Variants in MAGED1 observed in about 807,000 individuals in gnomAD.
MAGED1 encodes MAGE family member D1.
In MAGED1, 3 loss-of-function variants were observed where a neutral mutation model predicts 54.1. The observed-to-expected ratio is 0.06, with a 90% CI of 0.03 to 0.14. MAGED1 has a LOEUF of 0.14. Among genes scored for constraint, MAGED1 ranks in the 10% least tolerant of loss-of-function variants. MAGED1 has a pLI of 1.00. For missense variants in MAGED1, 485 were observed against 623.4 expected, an observed-to-expected ratio of 0.78 and a Z score of 2.36; for synonymous variants, 217 against 227.3, an observed-to-expected ratio of 0.95 and a Z score of 0.41.
rs1928774254 is a variant in MAGED1 at position 51,896,826 on chromosome X, G to A, written c.1171G>A (p.Gly391Ser). Residue 391 changes from glycine to serine, a missense_variant, in exon 4 of 13, where the codon GGC becomes AGC. By Grantham distance (56) the Gly-to-Ser change is moderately conservative. Transcript: ENST00000326587. Reference protein sequence around the residue: ...QTPPGWQTPPGWQGPPDWQGP... With the variant: ...QTPPGWQTPPSWQGPPDWQGP... ...TCCACCTGGATGGCAGACCCCACCGGGCTGGCAGGGTCCTCCAGACTGGCA... is the reference window on the plus strand; with the variant it reads ...TCCACCTGGATGGCAGACCCCACCGAGCTGGCAGGGTCCTCCAGACTGGCA... 2 of 1,203,186 alleles carry A rather than the reference G, an allele frequency of 1.7e-6. No homozygotes were observed. The highest frequency in any genetic ancestry group is 1.8e-5 in the African/African-American group (1 of 57,125).
chrX:51,843,721 G>T (rs1926588562), intron 1 of MAGED1, among the ~76,000 whole-genome samples: 1 of 111,486 alleles, frequency 9.0e-6, no homozygotes, highest in African/African-American at 3.3e-5. Flanking sequence ...ACAGATTTTG[G>T]TACCTGGAAG....
chrX:51,897,512 G>C (rs782061384), intron 5 of MAGED1, 35 bp from the exon 6 acceptor site: 53 of 1,098,955 alleles, frequency 4.8e-5, no homozygotes, highest in Non-Finnish European at 6.5e-5. Context: ...TGTGGCCCCC[G>C]CTCGGCTCAG....
intron 1 of MAGED1, among the ~76,000 whole-genome samples, chrX:51,826,124 G>T (rs1557356947): frequency 8.9e-6 from 1 of 112,539 alleles, no homozygotes; most frequent in East Asian, 2.8e-4. Flanking sequence ...GACTCTCCTT[G>T]TTCTTACTTA....
At chrX:51,897,945 T>C (rs1602274847) in intron 7 of MAGED1, 59 bp downstream of exon 7, 2 of 983,847 alleles carry the variant, frequency 2.0e-6, no homozygotes, top group Middle Eastern at 2.6e-4. Flanking sequence ...TTTCTAGGAG[T>C]TTCACGTAGA....
At chrX:51,805,568 G>A (rs1168113535) in intron 1 of MAGED1, among the ~76,000 whole-genome samples, 2 of 109,917 alleles carry the variant, frequency 1.8e-5, no homozygotes, top group African/African-American at 3.3e-5. Context: ...ATCATATCAG[G>A]TGCTTGAATT....
chrX:51,806,473 G>A (rs1439474801), intron 1 of MAGED1, among the ~76,000 whole-genome samples: 2 of 111,814 alleles, frequency 1.8e-5, no homozygotes, highest in African/African-American at 6.5e-5. Context: ...TTTGGCTTGA[G>A]GATTTGTTTT....
chrX:51,864,368 TTTTA>T (rs1416177508), intron 1 of MAGED1, among the ~76,000 whole-genome samples: 2 of 111,962 alleles, frequency 1.8e-5, no homozygotes, highest in Non-Finnish European at 3.8e-5. Flanking sequence ...TTCTGGGCTA[TTTTA>T]TTTATTTGTC....
intron 1 of MAGED1, among the ~76,000 whole-genome samples, chrX:51,821,592 G>A (rs1308055035): frequency 1.8e-5 from 2 of 111,070 alleles, no homozygotes; most frequent in Non-Finnish European, 3.8e-5. Context: ...GTTTCGCCAT[G>A]TTGCCCAGGC....
At chrX:51,842,808 C>T (rs1399586016) in intron 1 of MAGED1, among the ~76,000 whole-genome samples, 1 of 110,304 alleles carries the variant, frequency 9.1e-6, no homozygotes, top group Non-Finnish European at 1.9e-5. Flanking sequence ...ACCTCAACTC[C>T]CTGAGTAGCT....
chrX:51,831,461 G>T (rs1557357459), intron 1 of MAGED1, among the ~76,000 whole-genome samples: 1 of 110,283 alleles, frequency 9.1e-6, no homozygotes, highest in East Asian at 2.9e-4. Flanking sequence ...AAAAATAAAA[G>T]AATTAGTCAG....
chrX:51,895,706 C>T lies in MAGED1; in HGVS notation c.699C>T (p.Ser233=). ...GATAQTSADG[S]QAQNLESRTI... ...CTGCACAGACATCAGCAGATGGTTC[C>T]CAGGCTCAGAATCTGGAGTCCCGGA... The change falls in exon 3 of 13, where the codon TCC becomes TCT. Residue 233 remains serine, a synonymous_variant. Coordinates refer to ENST00000326587, the MANE Select transcript of MAGED1 (RefSeq NM_006986.4). 1 of 1,197,649 alleles carries T rather than the reference C, an allele frequency of 8.3e-7. No homozygotes were observed. The highest frequency in any genetic ancestry group is 1.1e-6 in the Non-Finnish European group (1 of 887,905).
intron 1 of MAGED1, among the ~76,000 whole-genome samples, chrX:51,816,136 G>T (rs1415404009): frequency 9.4e-6 from 1 of 106,260 alleles, no homozygotes; most frequent in Non-Finnish European, 1.9e-5. Flanking sequence ...TTTTTGAGAT[G>T]GAGTTTGACT....
At position 51,888,113 on chromosome X, in the gene MAGED1, G is replaced by A. The variant is rs782473343; in HGVS notation, c.-36-6156G>A. Among the ~76,000 whole-genome samples the A allele has an allele frequency of 6.3e-5, 7 of 111,385 alleles. No individual in the cohort carries two copies. In the East Asian group the frequency reaches 2.0e-3, roughly 32 times the overall value. On this transcript the variant is annotated intron_variant, in intron 1 of 12. Coordinates refer to the MAGED1 transcript ENST00000375772. ...GACCTACTACTTGATAGCACAATAG[G>A]GTGACTATAGTTAATTGTACATTTT...
rs1245884922 is a variant in MAGED1, at chrX:51,901,605, A to G, written c.2012A>G (p.Asp671Gly). The change falls in exon 12 of 13, where the codon GAT becomes GGT. Residue 671 changes from aspartate to glycine, a missense_variant. Transcript: ENST00000326587. Reference sequence around the variant, plus strand: ...ACTGCACAGTTCATGGAGGCTGCAGATGAGGCCTTGGATGCTCTGGATGCT... The same window carrying G: ...ACTGCACAGTTCATGGAGGCTGCAGGTGAGGCCTTGGATGCTCTGGATGCT... ...DWTAQFMEAA[D>G]EALDALDAAA... The G allele has an allele frequency of 8.3e-7, 1 of 1,203,190 alleles. No homozygotes were observed. The highest frequency in any genetic ancestry group is 3.0e-5 in the East Asian group (1 of 33,713).
chrX:51,899,031 C>T (rs181149412), intron 10 of MAGED1: 1 of 136,338 alleles, frequency 7.3e-6, no homozygotes, highest in African/African-American at 3.2e-5. Flanking sequence ...AAGCCCTTCT[C>T]AAGCTCGTTT....
At chrX:51,842,551 A>G (rs1926535474) in intron 1 of MAGED1, among the ~76,000 whole-genome samples, 1 of 111,766 alleles carries the variant, frequency 8.9e-6, no homozygotes, top group Admixed American at 9.5e-5. Context: ...TTCCTATGAG[A>G]TGAGGTCAGG....
rs781940503 is a variant in MAGED1, at chrX:51,808,613, G to C, written c.-37+5496G>C. ...AGTCCCAGCTACTTGGGAGGCTGAG[G>C]GGGGAGGATCGCTTGAGCTGGGGAG... On this transcript the variant is annotated intron_variant, in intron 1 of 12. Coordinates refer to the MAGED1 transcript ENST00000375772. 5.4e-5 allele frequency among the ~76,000 whole-genome samples: 6 copies of C among 111,765 alleles called. No homozygotes were observed. In the East Asian group the frequency reaches 8.4e-4, roughly 16 times the overall value.
chrX:51,809,178 G>T lies in MAGED1; in HGVS notation c.-37+6061G>T, dbSNP rs782458960. Among the ~76,000 whole-genome samples, 37 of 110,763 alleles carry T rather than the reference G, an allele frequency of 3.3e-4. 1 individual carries two copies. In the Admixed American group the frequency reaches 3.4e-3, roughly 10 times the overall value. On this transcript the variant is annotated intron_variant, in intron 1 of 12. Transcript: ENST00000375772. ...CGCCCAGGCTAGAGTGCAGTGGCGCGATCTCTGCTCACTGCAATCTCCGCC... is the reference window on the plus strand; with the variant it reads ...CGCCCAGGCTAGAGTGCAGTGGCGCTATCTCTGCTCACTGCAATCTCCGCC...
intron 1 of MAGED1, among the ~76,000 whole-genome samples, chrX:51,839,128 T>C (rs1834580016): frequency 8.9e-6 from 1 of 111,930 alleles, no homozygotes; most frequent in Admixed American, 9.5e-5. Context: ...GCCATTCCTC[T>C]GCCAGAGCTC....
Sources: gnomAD v4.1 joint callset for allele counts (sites outside exome capture counted in the v4.1 genomes callset) on GRCh38, gnomAD v4.1.1 for gene constraint, MANE v1.5 for transcripts, NCBI Gene and HGNC (gene_info 2026-07-23, HGNC 2026-07-21) for gene names.